Variants in RPSA2 observed in about 807,000 individuals in gnomAD.
The protein encoded by RPSA2 is small ribosomal subunit protein uS2B.
the RPSA2 span, among the ~76,000 whole-genome samples, chr19:23,759,259 T>G: frequency 6.6e-6 from 1 of 152,244 alleles, no homozygotes; most frequent in South Asian, 2.1e-4. Context: ...CTGGCAGCCA[T>G]AGTCCCTACC....
the RPSA2 span, among the ~76,000 whole-genome samples, chr19:23,804,330 TCTGTCGCCCAGG>T: frequency 7.0e-6 from 1 of 142,454 alleles, no homozygotes; most frequent in Non-Finnish European, 1.5e-5. Context: ...CGAGTCTTGC[TCTGTCGCCCAGG>T]CTGGAGTGCG....
the RPSA2 span, among the ~76,000 whole-genome samples, chr19:23,810,994 C>T: frequency 6.7e-6 from 1 of 150,134 alleles, no homozygotes; most frequent in Admixed American, 6.6e-5. Context: ...TCTCAGAACT[C>T]TCTTAAAGGC....
chr19:23,802,291 C>G, the RPSA2 span, among the ~76,000 whole-genome samples: 2 of 152,182 alleles, frequency 1.3e-5, no homozygotes, highest in Admixed American at 1.3e-4. Flanking sequence ...CTGAGCACAA[C>G]TATAGCTACC....
At chr19:23,821,439 G>C in the RPSA2 span, among the ~76,000 whole-genome samples, 4 of 152,178 alleles carry the variant, frequency 2.6e-5, no homozygotes, top group Non-Finnish European at 5.9e-5. Context: ...CCTAGTTAAG[G>C]CTTCTTTGAT....
chr19:23,809,729 A>C, the RPSA2 span, among the ~76,000 whole-genome samples: 9 of 47,542 alleles, frequency 1.9e-4, no homozygotes, highest in Non-Finnish European at 2.9e-4. Flanking sequence ...GTTTTAATGT[A>C]CTGTTTATGT....
At chr19:23,844,962 G>A in the RPSA2 span, among the ~76,000 whole-genome samples, 1 of 147,952 alleles carries the variant, frequency 6.8e-6, no homozygotes, top group Non-Finnish European at 1.5e-5. Flanking sequence ...GTTTGTTCAG[G>A]TACTCAGTTT....
the RPSA2 span, among the ~76,000 whole-genome samples, chr19:23,850,134 C>G: frequency 5.9e-5 from 9 of 151,496 alleles, no homozygotes; most frequent in South Asian, 2.1e-4. Context: ...ATGGTCATCT[C>G]TAGCTCCAGG....
At chr19:23,779,673 A>G in the RPSA2 span, among the ~76,000 whole-genome samples, 4 of 152,204 alleles carry the variant, frequency 2.6e-5, no homozygotes, top group South Asian at 8.3e-4. Context: ...GACATTTCAC[A>G]TGTCCAAACA....
the RPSA2 span, among the ~76,000 whole-genome samples, chr19:23,854,128 T>A: frequency 6.6e-6 from 1 of 152,128 alleles, no homozygotes; most frequent in Admixed American, 6.5e-5. Flanking sequence ...ACTCACTGAC[T>A]GGAATGGAAA....
At chr19:23,778,648 C>T in the RPSA2 span, among the ~76,000 whole-genome samples, 1 of 151,952 alleles carries the variant, frequency 6.6e-6, no homozygotes, top group Admixed American at 6.6e-5. Context: ...CCGCTAGGCT[C>T]AACACACAAG....
chr19:23,860,975 C>T, the RPSA2 span, among the ~76,000 whole-genome samples: 7 of 151,508 alleles, frequency 4.6e-5, no homozygotes, highest in Non-Finnish European at 8.8e-5. Context: ...GACAGAAGAT[C>T]TTCCTCTCAC....
At chr19:23,853,562 C>T in the RPSA2 span, among the ~76,000 whole-genome samples, 2 of 152,174 alleles carry the variant, frequency 1.3e-5, no homozygotes, top group Non-Finnish European at 2.9e-5. Context: ...AAAGGGATAA[C>T]GTAAACCATC....
the RPSA2 span, chr19:23,827,348 C>T: frequency 1.1e-3 from 1,816 of 1,586,684 alleles, 15 homozygotes; most frequent in African/African-American, 0.02. Flanking sequence ...GCTGGCAGCT[C>T]GTGCTATTGT....
chr19:23,758,617 G>A, the RPSA2 span: 6 of 1,369,068 alleles, frequency 4.4e-6, no homozygotes, highest in Non-Finnish European at 6.3e-6. Context: ...GCCATCTTAT[G>A]GTCCAAGTGG....
At chr19:23,762,990 C>T in the RPSA2 span, 3 of 152,458 alleles carry the variant, frequency 2.0e-5, no homozygotes, top group South Asian at 6.2e-4. Flanking sequence ...GGGTCTTTAC[C>T]TCTTGCTCCC....
the RPSA2 span, among the ~76,000 whole-genome samples, chr19:23,848,225 T>C: frequency 6.6e-6 from 1 of 152,236 alleles, no homozygotes; most frequent in East Asian, 1.9e-4. Flanking sequence ...TCACAATTTA[T>C]GTTCCTCTGC....
At chr19:23,770,263 G>A in the RPSA2 span, among the ~76,000 whole-genome samples, 1 of 152,154 alleles carries the variant, frequency 6.6e-6, no homozygotes, top group African/African-American at 2.4e-5. Flanking sequence ...TGCCCAAGCA[G>A]GGATTGTGAT....
At chr19:23,816,323 A>G in the RPSA2 span, among the ~76,000 whole-genome samples, 1 of 152,092 alleles carries the variant, frequency 6.6e-6, no homozygotes, top group Non-Finnish European at 1.5e-5. Flanking sequence ...TTTGGTTGAG[A>G]CAGAGTTTTG....
the RPSA2 span, among the ~76,000 whole-genome samples, chr19:23,851,522 A>G: frequency 6.6e-6 from 1 of 152,242 alleles, no homozygotes. Context: ...AGATAAGCCA[A>G]TTCAGAATTA....
Sources: gnomAD v4.1 joint callset for allele counts (sites outside exome capture counted in the v4.1 genomes callset) on GRCh38, gnomAD v4.1.1 for gene constraint, MANE v1.5 for transcripts, NCBI Gene and HGNC (gene_info 2026-07-23, HGNC 2026-07-21) for gene names.